GRK3: variants seen among roughly 807,000 people sequenced by gnomAD.
GRK3 encodes the protein G protein-coupled receptor kinase 3, also known as adrenergic, beta, receptor kinase 2.
A neutral mutation model predicts 95.7 loss-of-function variants in GRK3; 54 were observed. The ratio of observed to expected loss-of-function variants is 0.56; its 90% CI spans 0.45 to 0.71. The LOEUF (loss-of-function observed/expected upper bound fraction) is 0.71. Ranked by LOEUF, GRK3 falls within the 30% of genes least tolerant of loss-of-function variation. GRK3 has a pLI of 0.00. For missense variants in GRK3, 649 were observed against 851.2 expected (o/e 0.76, Z 2.96); for synonymous variants, 281 against 290.8 (o/e 0.97, Z 0.34).
At chr22:25,674,318 G>C in intron 7 of GRK3, 119 bp from the exon 8 acceptor site, 1 of 767,178 alleles carries the variant, frequency 1.3e-6, no homozygotes, top group Admixed American at 2.5e-5. Flanking sequence ...TCATGAAAAG[G>C]GTAGATCCCT....
intron 11 of GRK3, 114 bp from the exon 12 acceptor site, chr22:25,690,074 GT>G (rs1191876477): frequency 2.8e-6 from 2 of 701,918 alleles, no homozygotes; most frequent in African/African-American, 3.6e-5. Flanking sequence ...TATAATTTGT[GT>G]TTAGGAACAA....
rs565072994 is a variant in GRK3, at chr22:25,692,854, G to T, written c.1053-2253G>T. ...GATGAACTCCCTGAGGCTTTGGCAT[G>T]ATCTATTTAGTACAAGACGGAAGAT... On this transcript the variant is annotated intron_variant, in intron 12 of 20. Transcript: ENST00000324198. Among the ~76,000 whole-genome samples, 256 of 152,300 alleles carry T rather than the reference G, an allele frequency of 1.7e-3. 3 individuals carry two copies. Among genetic ancestry groups the T allele is most frequent in the Admixed American group, 3.7e-3 (56 of 15,296 alleles).
At chr22:25,569,405 T>G (rs1400841017) in intron 1 of GRK3, among the ~76,000 whole-genome samples, 1 of 152,220 alleles carries the variant, frequency 6.6e-6, no homozygotes, top group Non-Finnish European at 1.5e-5. Flanking sequence ...GAAATCAGTT[T>G]TGGACCTAGA....
chr22:25,676,860 C>T (rs2085034041), intron 8 of GRK3, among the ~76,000 whole-genome samples: 3 of 152,148 alleles, frequency 2.0e-5, no homozygotes, highest in Admixed American at 6.5e-5. Context: ...TTAAGGCCCA[C>T]GAACCCTCAC....
intron 1 of GRK3, among the ~76,000 whole-genome samples, chr22:25,597,399 T>C (rs2084379604): frequency 6.6e-6 from 1 of 152,190 alleles, no homozygotes; most frequent in South Asian, 2.1e-4. Context: ...AGGATTACTA[T>C]AGTTAACAAT....
rs9613008 is a variant in GRK3 at position 25,696,119 on chromosome 22, G to C, written c.1160+905G>C. On this transcript the variant is annotated intron_variant, in intron 13 of 20. Transcript: ENST00000324198. ...CAAAGTGCTGGGATTACAGGTATGA[G>C]CCACCGCGTCCGGCCTACACCCAGC... 1.3e-4 allele frequency among the ~76,000 whole-genome samples: 20 copies of C among 152,208 alleles called. No individual in the cohort carries two copies. In the East Asian group the frequency reaches 1.7e-3, roughly 13 times the overall value.
At chr22:25,596,438 T>A (rs555191075) in intron 1 of GRK3, among the ~76,000 whole-genome samples, 15 of 152,376 alleles carry the variant, frequency 9.8e-5, no homozygotes, top group African/African-American at 2.9e-4. Flanking sequence ...TTTTAATATC[T>A]AGTTTTTACT....
intron 9 of GRK3, among the ~76,000 whole-genome samples, chr22:25,683,765 A>G (rs1259395951): frequency 1.3e-5 from 2 of 151,968 alleles, no homozygotes; most frequent in Admixed American, 1.3e-4. Flanking sequence ...TATATTATAG[A>G]TATGAGTCCT....
chr22:25,583,670 T>C (rs1324346415), intron 1 of GRK3, among the ~76,000 whole-genome samples: 1 of 152,216 alleles, frequency 6.6e-6, no homozygotes, highest in African/African-American at 2.4e-5. Flanking sequence ...ATGCAGCACC[T>C]ATCTTTTGAA....
At chr22:25,660,637 G>T (rs2084903470) in intron 3 of GRK3, among the ~76,000 whole-genome samples, 1 of 152,098 alleles carries the variant, frequency 6.6e-6, no homozygotes. Flanking sequence ...TTTCAAAGCT[G>T]TGAAAGCCGT....
rs1467454071 is a variant in GRK3 at position 25,714,566 on chromosome 22, A to G, written c.1650A>G (p.Glu550=). The G allele has an allele frequency of 6.3e-7, 1 of 1,595,274 alleles. No individual in the cohort carries two copies. Among genetic ancestry groups the G allele is most frequent in the South Asian group, 1.2e-5 (1 of 86,530 alleles). The change falls in exon 18 of 21, where the codon GAA becomes GAG. Residue 550 remains glutamate, a synonymous_variant. Coordinates refer to ENST00000324198, the MANE Select transcript of GRK3 (RefSeq NM_005160.4). The stretch of plus-strand genomic sequence containing the variant: ...CTAAAAATAAGCAACTTGGCCACGA[A>G]GAAGGTAAAATAGCTCACGTGTCTC... The part of the protein sequence containing the change: ...KRAKNKQLGH[E]EDYALGKDCI...
At chr22:25,584,127 C>A (rs1241660258) in intron 1 of GRK3, among the ~76,000 whole-genome samples, 5 of 152,256 alleles carry the variant, frequency 3.3e-5, no homozygotes, top group African/African-American at 1.2e-4. Flanking sequence ...TTCTGGAAGA[C>A]TTTGATTTGT....
chr22:25,664,680 C>G (rs965415309), intron 5 of GRK3, among the ~76,000 whole-genome samples: 1 of 151,946 alleles, frequency 6.6e-6, no homozygotes, highest in Non-Finnish European at 1.5e-5. Flanking sequence ...GCCAGCATGC[C>G]CAGCTAATTT....
Position 25,625,868 on chromosome 22 carries a change from T to C in GRK3, c.191-18724T>C, listed in dbSNP as rs570962701. On this transcript the variant is annotated intron_variant, in intron 2 of 20. Transcript: ENST00000324198. ...GGCTGCCAGGCAGGGAAGGGCCCCC[T>C]GTCCAGTGGACACGTGACCCACGTG... Among the ~76,000 whole-genome samples, 153 of 144,412 alleles carry C rather than the reference T, an allele frequency of 1.1e-3. 1 individual carries two copies. The highest frequency in any genetic ancestry group is 1.7e-3 in the Non-Finnish European group (113 of 65,406). The allele number at this position is 144,412 out of a possible 152,430, so 94.7% of individuals were successfully genotyped here.
At chr22:25,595,497 A>G (rs948841287) in intron 1 of GRK3, among the ~76,000 whole-genome samples, 18 of 152,224 alleles carry the variant, frequency 1.2e-4, no homozygotes, top group African/African-American at 4.3e-4. Context: ...GCTAAAAATA[A>G]AAACATGCAA....
intron 13 of GRK3, among the ~76,000 whole-genome samples, chr22:25,697,644 G>T (rs2085220126): frequency 6.6e-6 from 1 of 152,212 alleles, no homozygotes; most frequent in Admixed American, 6.5e-5. Context: ...TCTTGTTGAA[G>T]GGATCATATG....
At chr22:25,609,972 C>T (rs932897922) in intron 2 of GRK3, among the ~76,000 whole-genome samples, 14 of 151,512 alleles carry the variant, frequency 9.2e-5, no homozygotes, top group South Asian at 2.1e-4. Context: ...CTCAGCCTCC[C>T]GAGTAGCTGG....
rs1362770015 is a variant in GRK3, at chr22:25,623,400, C to T, written c.190+18947C>T. ...CTTTGGCTTGTGCTGCTCTCTGTCT[C>T]CTGTGTCCTTGTTTGCATCTGTCCC... On this transcript the variant is annotated intron_variant, in intron 2 of 20. Transcript: ENST00000324198. Among the ~76,000 whole-genome samples the T allele has an allele frequency of 2.0e-5, 3 of 152,212 alleles. No individual in the cohort carries two copies. The South Asian group carries it at 6.2e-4, about 32-fold the overall frequency.
At chr22:25,682,316 A>T (rs747774281) in intron 9 of GRK3, among the ~76,000 whole-genome samples, 2 of 152,168 alleles carry the variant, frequency 1.3e-5, no homozygotes, top group South Asian at 4.1e-4. Flanking sequence ...GGCATGGTCC[A>T]TATGGGACCC....
Sources: allele counts gnomAD v4.1 joint callset (sites outside exome capture counted in the v4.1 genomes callset), GRCh38; gene constraint gnomAD v4.1.1; transcripts MANE v1.5; gene names NCBI Gene and HGNC (gene_info 2026-07-23, HGNC 2026-07-21).